Variants in NFE2L3 observed in about 807,000 individuals in gnomAD.
The protein encoded by NFE2L3 is nuclear factor erythroid 2-related factor 3.
NFE2L3 carries 18 observed loss-of-function variants against 23.5 expected under a neutral mutation model. The observed-to-expected ratio is 0.77, with a 90% CI of 0.53 to 1.13. The LOEUF (loss-of-function observed/expected upper bound fraction) is 1.13, where lower values mean the gene tolerates loss of function less well. NFE2L3 is among the 50% of genes most tolerant of loss of function. The probability of loss-of-function intolerance (pLI) is 0.00; values close to 1 mark genes in which losing one functional copy is unlikely to be tolerated. For synonymous variants in NFE2L3, 424 were observed against 354.5 expected (o/e 1.20, Z -2.20); for missense variants, 1,152 against 877.2 (o/e 1.31, Z -3.96).
In NFE2L3 at chr7:26,177,949, G is replaced by A. The variant is rs747785544; in HGVS notation, c.577G>A (p.Gly193Arg). The A allele has an allele frequency of 1.9e-6, 3 of 1,611,320 alleles. No homozygotes were observed. The highest frequency in any genetic ancestry group is 4.5e-5 in the East Asian group (2 of 44,866). ...AAATTTCGTACTTTTATAGGAGAAT[G>A]GGGTACTAAGAGAAAAGCACGAAGC... ...DAGGCASEEN[G>R]VLREKHEAVD... Residue 193 changes from glycine to arginine, a missense_variant, in exon 2 of 4, where the codon GGG (glycine) becomes AGG (arginine). Gly to Arg is a moderately radical substitution (Grantham distance 125, BLOSUM62 -2). Transcript: ENST00000056233.
intron 1 of NFE2L3, among the ~76,000 whole-genome samples, chr7:26,154,933 G>A (rs996856247): frequency 3.3e-5 from 5 of 152,334 alleles, no homozygotes; most frequent in African/African-American, 9.6e-5. Context: ...AGGGGAGAGA[G>A]TGAAGTTCCC....
chr7:26,185,668 T>C lies in NFE2L3; in HGVS notation c.1970T>C (p.Val657Ala), dbSNP rs1782465423. The C allele has an allele frequency of 1.2e-6, 2 of 1,613,888 alleles. No homozygotes were observed. The highest frequency in any genetic ancestry group is 8.5e-7 in the Non-Finnish European group (1 of 1,179,810). The change falls in exon 4 of 4, where the codon GTC (valine) becomes GCC (alanine). Residue 657 changes from valine to alanine, a missense_variant. Val to Ala is a moderately conservative substitution (Grantham distance 64). Coordinates refer to ENST00000056233, the MANE Select transcript of NFE2L3 (RefSeq NM_004289.7). ...SRLRDDQGRP[V>A]NPNHYALQCT... Reference sequence around the variant, plus strand: ...TTAAGAGATGACCAAGGTAGGCCAGTCAATCCCAACCACTATGCTCTCCAG... The same window carrying C: ...TTAAGAGATGACCAAGGTAGGCCAGCCAATCCCAACCACTATGCTCTCCAG...
At position 26,182,397 on chromosome 7, in the gene NFE2L3, GTGGA is replaced by G; in HGVS notation, c.751-1302_751-1299del. ...CCAACTCTTTGTGAGGCCAAGGCAG[GTGGA>G]TCACCTGTGGTCAGTAGTTCAAGAC... On this transcript the variant is annotated intron_variant, in intron 2 of 3. Coordinates refer to ENST00000056233, the MANE Select transcript of NFE2L3 (RefSeq NM_004289.7). Among the ~76,000 whole-genome samples, 2 of 147,978 alleles carry G rather than the reference GTGGA, an allele frequency of 1.4e-5. 1 individual carries two copies. Among genetic ancestry groups the G allele is most frequent in the South Asian group, 4.2e-4 (2 of 4,814 alleles).
chr7:26,183,409 G>A (rs926622249), intron 2 of NFE2L3, among the ~76,000 whole-genome samples: 10 of 152,096 alleles, frequency 6.6e-5, no homozygotes, highest in African/African-American at 2.2e-4. Context: ...TTAGCCAGAC[G>A]TGGTGGTGCA....
At chr7:26,159,145 T>G (rs1047699387) in intron 1 of NFE2L3, among the ~76,000 whole-genome samples, 2 of 152,180 alleles carry the variant, frequency 1.3e-5, no homozygotes, top group Non-Finnish European at 2.9e-5. Flanking sequence ...AGGGCTGCCC[T>G]TGTGGCTTAT....
chr7:26,176,523 A>G (rs1377412160), intron 1 of NFE2L3, among the ~76,000 whole-genome samples: 3 of 119,170 alleles, frequency 2.5e-5, no homozygotes, highest in Non-Finnish European at 5.0e-5. Context: ...AGCCGGGCAG[A>G]GGCGCTCCTC....
intron 1 of NFE2L3, among the ~76,000 whole-genome samples, chr7:26,154,960 G>A (rs1562667708): frequency 6.6e-6 from 1 of 152,236 alleles, no homozygotes; most frequent in East Asian, 1.9e-4. Context: ...CCATTCTCCT[G>A]GCAGTGCCTT....
chr7:26,173,214 A>G (rs1276412873), intron 1 of NFE2L3, among the ~76,000 whole-genome samples: 2 of 152,162 alleles, frequency 1.3e-5, no homozygotes, highest in Non-Finnish European at 2.9e-5. Context: ...CAGACAAGAC[A>G]TCTTACATAC....
At chr7:26,155,618 A>AT (rs1287792691) in intron 1 of NFE2L3, among the ~76,000 whole-genome samples, 1 of 152,178 alleles carries the variant, frequency 6.6e-6, no homozygotes, top group East Asian at 1.9e-4. Flanking sequence ...AGGACGTCTC[A>AT]GTGCATCTGG....
intron 3 of NFE2L3, 119 bp from the exon 4 acceptor site, chr7:26,184,388 TTAACTAGGAAGTTACTGCCAACAGCA>T (rs1554325236): frequency 1.4e-6 from 1 of 700,902 alleles, no homozygotes; most frequent in Non-Finnish European, 2.4e-6. Flanking sequence ...TTGCCTGTAT[TTAACTAGGAAGTTACTGCCAACAGCA>T]TCTATCTCTA....
chr7:26,184,841 G>A lies in NFE2L3; in HGVS notation c.1143G>A (p.Leu381=), dbSNP rs752349389. 1.2e-6 allele frequency: 2 copies of A among 1,613,950 alleles called. No homozygotes were observed. The highest frequency in any genetic ancestry group is 1.7e-6 in the Non-Finnish European group (2 of 1,179,834). ...GGAATCTAACAAGCCAAGACCTACT[G>A]TATGACCTTGACATAAATATATTTG... ...HMRNLTSQDL[L]YDLDINIFDE... is the part of the protein sequence containing the mutation. The change falls in exon 4 of 4, where the codon CTG becomes CTA. Residue 381 remains leucine (L), a synonymous_variant. Transcript: ENST00000056233.
chr7:26,152,686 C>G lies in NFE2L3; in HGVS notation c.188C>G (p.Ser63Trp). 1 of 1,483,888 alleles carries G rather than the reference C, an allele frequency of 6.7e-7. No homozygotes were observed. Among genetic ancestry groups the G allele is most frequent in the Non-Finnish European group, 8.9e-7 (1 of 1,124,194 alleles). 91.9% of individuals were successfully genotyped at this position (1,483,888 alleles called of 1,614,324 possible). A position where few individuals can be genotyped will look rare whatever the true frequency, so the allele number is the denominator to read the frequency against. The change falls in exon 1 of 4, where the codon TCG becomes TGG. Residue 63 changes from serine to tryptophan, a missense_variant. Coordinates refer to ENST00000056233, the MANE Select transcript of NFE2L3 (RefSeq NM_004289.7). This position sits in a 1 kb window ranked among gnomAD's most constrained non-coding sequence, Gnocchi z 4.4. Reference sequence around the variant, plus strand: ...TCCGCCTACGCGCTCAGCCCCTTCTCGGCCTCGGGAGGGTGGGGGCGCGCG... The same window carrying G: ...TCCGCCTACGCGCTCAGCCCCTTCTGGGCCTCGGGAGGGTGGGGGCGCGCG... The part of the protein sequence containing the change: ...ASSAYALSPF[S>W]ASGGWGRAGH...
chr7:26,161,808 CAATG>C (rs1387769525), intron 1 of NFE2L3, among the ~76,000 whole-genome samples: 1 of 151,980 alleles, frequency 6.6e-6, no homozygotes, highest in Non-Finnish European at 1.5e-5. Context: ...CATGCAAAAA[CAATG>C]AATGCAGAAT....
intron 1 of NFE2L3, among the ~76,000 whole-genome samples, chr7:26,175,741 T>C (rs1784392218): frequency 2.0e-5 from 3 of 147,890 alleles, no homozygotes; most frequent in Admixed American, 6.8e-5. Context: ...ATCGTGCCAC[T>C]GCACTCCAGC....
intron 1 of NFE2L3, among the ~76,000 whole-genome samples, chr7:26,162,502 ACAT>A (rs1436109231): frequency 1.1e-4 from 17 of 152,148 alleles, no homozygotes; most frequent in African/African-American, 3.1e-4. Context: ...AATACAAAAA[ACAT>A]CATGTATTTT....
chr7:26,182,015 CTA>C (rs1004270713), intron 2 of NFE2L3, among the ~76,000 whole-genome samples: 8 of 151,722 alleles, frequency 5.3e-5, no homozygotes, highest in Non-Finnish European at 1.2e-4. Context: ...CCAGAAGAAA[CTA>C]TAAAATATGA....
At position 26,184,594 on chromosome 7, in the gene NFE2L3, C is replaced by G. The variant is rs776351804; in HGVS notation, c.896C>G (p.Ala299Gly). The G allele has an allele frequency of 7.4e-6, 12 of 1,613,734 alleles. No homozygotes were observed. In the East Asian group the frequency reaches 2.2e-4, roughly 30 times the overall value. The part of the protein sequence containing the change: ...GSISDGMNSS[A>G]HYHVNFSQAI... ...ATCAGTGATGGCATGAATTCTTCAGCACATTATCATGTAAACTTCAGCCAG... is the reference window on the plus strand; with the variant it reads ...ATCAGTGATGGCATGAATTCTTCAGGACATTATCATGTAAACTTCAGCCAG... The change falls in exon 4 of 4, where the codon GCA becomes GGA. Residue 299 changes from alanine (A) to glycine (G), a missense_variant. Ala to Gly is a moderately conservative substitution (Grantham distance 60). Coordinates refer to ENST00000056233, the MANE Select transcript of NFE2L3 (RefSeq NM_004289.7).
At chr7:26,158,353 C>T (rs2128097386) in intron 1 of NFE2L3, among the ~76,000 whole-genome samples, 1 of 152,284 alleles carries the variant, frequency 6.6e-6, no homozygotes, top group Admixed American at 6.5e-5. Flanking sequence ...GCAATGGACC[C>T]AGTTTCCAAA....
At position 26,185,383 on chromosome 7, in the gene NFE2L3, T is replaced by G. The variant is rs1309362440; in HGVS notation, c.1685T>G (p.Phe562Cys). ...ATTGTCGGCATGCCTGTTGATTCTT[T>G]CAATAGCATGTTAAGTAGATATTAT... is the stretch of plus-strand genomic sequence containing the variant. ...DEIVGMPVDSFNSMLSRYYLT... is the reference protein window; with the variant it reads ...DEIVGMPVDSCNSMLSRYYLT... Residue 562 changes from phenylalanine to cysteine, a missense_variant, in exon 4 of 4, where the codon TTC (phenylalanine) becomes TGC (cysteine). Physicochemically the swap from Phe to Cys is radical, Grantham distance 205. Coordinates refer to ENST00000056233, the MANE Select transcript of NFE2L3 (RefSeq NM_004289.7). The G allele has an allele frequency of 1.2e-6, 2 of 1,614,064 alleles. No individual in the cohort carries two copies. The highest frequency in any genetic ancestry group is 2.7e-5 in the African/African-American group (2 of 74,936).
Sources: allele counts gnomAD v4.1 joint callset (sites outside exome capture counted in the v4.1 genomes callset), GRCh38; gene constraint gnomAD v4.1.1; non-coding constraint Gnocchi (gnomAD v3.1); transcripts MANE v1.5; gene names NCBI Gene and HGNC (gene_info 2026-07-23, HGNC 2026-07-21).